WDPCP: variants seen among roughly 807,000 people sequenced by gnomAD.
WDPCP encodes the protein WD repeat containing planar cell polarity effector, also known as WD repeat-containing and planar cell polarity effector protein fritz homolog.
Under a neutral mutation model 93.1 loss-of-function variants are expected in WDPCP, and 71 were observed. That is an observed-to-expected ratio of 0.76 (90% CI 0.63 to 0.93). WDPCP has a LOEUF of 0.93. WDPCP is among the 40% of genes least tolerant of loss of function. The pLI is 0.00. For synonymous variants in WDPCP, 315 were observed against 315.0 expected (o/e 1.00, Z 0.00); for missense variants, 844 against 887.4 (o/e 0.95, Z 0.62).
At chr2:63,836,099 C>A in the WDPCP span, among the ~76,000 whole-genome samples, 2 of 152,226 alleles carry the variant, frequency 1.3e-5, no homozygotes, top group Non-Finnish European at 1.5e-5. Flanking sequence ...AGATGATCCA[C>A]CAGCTTTGGC....
chr2:63,607,691 G>T (rs1000705920), intron 3 of WDPCP, among the ~76,000 whole-genome samples: 1 of 151,798 alleles, frequency 6.6e-6, no homozygotes, highest in Non-Finnish European at 1.5e-5. Context: ...TTAGCCAGGC[G>T]TGGTGGCGGG....
intron 10 of WDPCP, among the ~76,000 whole-genome samples, chr2:63,384,478 T>TA (rs1464867871): frequency 4.6e-5 from 7 of 152,014 alleles, no homozygotes; most frequent in African/African-American, 9.7e-5. Flanking sequence ...AAGTCATTGT[T>TA]AAAAAAACCT....
At chr2:63,621,236 AG>A (rs1289639343) in intron 3 of WDPCP, among the ~76,000 whole-genome samples, 1 of 152,086 alleles carries the variant, frequency 6.6e-6, no homozygotes, top group Non-Finnish European at 1.5e-5. Flanking sequence ...TCTGAGCTAA[AG>A]GAGCACATTC....
At chr2:63,166,247 A>G (rs1672965514) in intron 15 of WDPCP, among the ~76,000 whole-genome samples, 1 of 151,660 alleles carries the variant, frequency 6.6e-6, no homozygotes, top group Non-Finnish European at 1.5e-5. Flanking sequence ...TTGTATTTTT[A>G]GTAGAGACGG....
intron 14 of WDPCP, among the ~76,000 whole-genome samples, chr2:63,181,605 A>G (rs1160588758): frequency 6.6e-6 from 1 of 152,134 alleles, no homozygotes; most frequent in East Asian, 1.9e-4. Flanking sequence ...ACCTCATAGT[A>G]TAATTTGAAG....
chr2:63,495,206 G>C (rs1341142085), intron 1 of WDPCP, among the ~76,000 whole-genome samples: 1 of 152,124 alleles, frequency 6.6e-6, no homozygotes, highest in Admixed American at 6.5e-5. Flanking sequence ...ATTACTAAGA[G>C]AAAGAATGCA....
intron 12 of WDPCP, among the ~76,000 whole-genome samples, chr2:63,376,445 G>A (rs1438148242): frequency 6.6e-6 from 1 of 151,844 alleles, no homozygotes; most frequent in Non-Finnish European, 1.5e-5. Context: ...TAGTAGAATA[G>A]AGCATCCTAG....
intron 1 of WDPCP, among the ~76,000 whole-genome samples, chr2:63,563,597 G>A (rs1447368034): frequency 6.6e-6 from 1 of 151,912 alleles, no homozygotes; most frequent in African/African-American, 2.4e-5. Context: ...CTGCTTTTTG[G>A]GTTGATAAAA....
chr2:63,321,931 CA>C (rs1360783475), intron 12 of WDPCP, among the ~76,000 whole-genome samples: 2 of 151,876 alleles, frequency 1.3e-5, no homozygotes, highest in Non-Finnish European at 2.9e-5. Context: ...ATTATTGACA[CA>C]AAAAAAGCTG....
At chr2:63,217,004 A>G (rs1243335119) in intron 14 of WDPCP, among the ~76,000 whole-genome samples, 1 of 152,202 alleles carries the variant, frequency 6.6e-6, no homozygotes, top group Non-Finnish European at 1.5e-5. Flanking sequence ...ACAAAATTTA[A>G]AAAAATACCT....
chr2:63,703,092 G>A (rs1224904889), intron 2 of WDPCP, among the ~76,000 whole-genome samples: 1 of 152,120 alleles, frequency 6.6e-6, no homozygotes, highest in Non-Finnish European at 1.5e-5. Context: ...TGGTGTATAT[G>A]TGCCACATTT....
chr2:63,129,366 AG>A (rs1354363496), intron 17 of WDPCP, among the ~76,000 whole-genome samples: 2 of 152,320 alleles, frequency 1.3e-5, no homozygotes, highest in South Asian at 4.1e-4. Context: ...TGTTTTCCAC[AG>A]GGGCAACACC....
chr2:63,308,960 T>A (rs1463569268), intron 13 of WDPCP, among the ~76,000 whole-genome samples: 2 of 152,308 alleles, frequency 1.3e-5, no homozygotes, highest in South Asian at 4.1e-4. Flanking sequence ...ATCATGTCCT[T>A]TGCAGCAACA....
At chr2:63,553,184 C>A (rs1233247692) in intron 1 of WDPCP, among the ~76,000 whole-genome samples, 1 of 152,196 alleles carries the variant, frequency 6.6e-6, no homozygotes, top group Non-Finnish European at 1.5e-5. Flanking sequence ...ATTTTACGAG[C>A]TTTTGCCAAG....
intron 2 of WDPCP, among the ~76,000 whole-genome samples, chr2:63,654,836 A>AT (rs11388925): frequency 0.79 from 119,579 of 151,276 alleles, 47,722 homozygotes; most frequent in East Asian, 0.98. Context: ...GTATATTTTT[A>AT]TTTTTTTTTA....
chr2:63,144,143 T>G (rs1189442258), intron 17 of WDPCP, among the ~76,000 whole-genome samples: 1 of 152,176 alleles, frequency 6.6e-6, no homozygotes, highest in Non-Finnish European at 1.5e-5. Flanking sequence ...ATTTTCTTCT[T>G]CTTTTTTCTT....
At chr2:63,513,497 G>A (rs1472462723) in intron 1 of WDPCP, among the ~76,000 whole-genome samples, 1 of 152,022 alleles carries the variant, frequency 6.6e-6, no homozygotes, top group Non-Finnish European at 1.5e-5. Context: ...TATCTCAGAC[G>A]TTCTACTGCT....
rs556842869 is a variant in WDPCP, at chr2:63,365,473, G to A, written c.1748+12913C>T. Among the ~76,000 whole-genome samples, 3 of 152,226 alleles carry A rather than the reference G, an allele frequency of 2.0e-5. No individual in the cohort carries two copies. The East Asian group carries it at 5.8e-4, about 29-fold the overall frequency. ...GGTGTTCTTTCCATGACAAAGTTAA[G>A]AAAAGTGAGAACTACAAAAAAAATT... On this transcript the variant is annotated intron_variant, in intron 12 of 17. Transcript: ENST00000272321.
At chr2:63,197,191 AC>A (rs1675504696) in intron 14 of WDPCP, among the ~76,000 whole-genome samples, 1 of 151,834 alleles carries the variant, frequency 6.6e-6, no homozygotes, top group Non-Finnish European at 1.5e-5. Flanking sequence ...CAAAGACAAC[AC>A]GGATGAAGAC....
Sources: gnomAD v4.1 joint callset for allele counts (sites outside exome capture counted in the v4.1 genomes callset) on GRCh38, gnomAD v4.1.1 for gene constraint, MANE v1.5 for transcripts, NCBI Gene and HGNC (gene_info 2026-07-23, HGNC 2026-07-21) for gene names.